Variants in RPS6KC1 observed in about 807,000 individuals in gnomAD.
RPS6KC1 encodes inactive ribosomal protein S6 kinase delta-1.
In RPS6KC1, 54 loss-of-function variants were observed where a neutral mutation model predicts 103.8. The ratio of observed to expected loss-of-function variants is 0.52; its 90% CI spans 0.42 to 0.65. The LOEUF (loss-of-function observed/expected upper bound fraction) is 0.65. Among genes scored for constraint, RPS6KC1 ranks in the 30% least tolerant of loss-of-function variants. The pLI is 0.00. For missense variants in RPS6KC1, 1,151 were observed against 1,253.8 expected, an observed-to-expected ratio of 0.92 and a Z score of 1.24; for synonymous variants, 439 against 438.7, an observed-to-expected ratio of 1.00 and a Z score of -0.01.
chr1:213,500,393 AC>A, the RPS6KC1 span, among the ~76,000 whole-genome samples: 1 of 152,152 alleles, frequency 6.6e-6, no homozygotes, highest in African/African-American at 2.4e-5. Flanking sequence ...CATTTGGAAT[AC>A]CTTCCCAAGG....
At chr1:213,470,622 T>C in the RPS6KC1 span, among the ~76,000 whole-genome samples, 1 of 147,346 alleles carries the variant, frequency 6.8e-6, no homozygotes, top group African/African-American at 2.5e-5. Flanking sequence ...TTTTTTTTTT[T>C]TTTTTTTTTT....
At chr1:213,421,269 G>A in the RPS6KC1 span, among the ~76,000 whole-genome samples, 1 of 151,970 alleles carries the variant, frequency 6.6e-6, no homozygotes, top group East Asian at 1.9e-4. Flanking sequence ...GCGCCACCAT[G>A]CCTGGCTAAT....
chr1:213,398,826 T>C, the RPS6KC1 span, among the ~76,000 whole-genome samples: 3 of 152,172 alleles, frequency 2.0e-5, no homozygotes, highest in South Asian at 2.1e-4. Flanking sequence ...TCCTCAGTTC[T>C]TTGAGACATT....
the RPS6KC1 span, among the ~76,000 whole-genome samples, chr1:213,758,578 C>CA: frequency 0.023 from 2,307 of 101,568 alleles, 14 homozygotes; most frequent in Admixed American, 0.037. Context: ...GACTCTGTCT[C>CA]AAAAAAAAAA....
At chr1:213,289,033 C>G in the RPS6KC1 span, among the ~76,000 whole-genome samples, 2 of 152,048 alleles carry the variant, frequency 1.3e-5, no homozygotes, top group African/African-American at 2.4e-5. Flanking sequence ...CTCTGAACTT[C>G]GGCGATGCTG....
At chr1:213,371,479 TCTGATAA>T in the RPS6KC1 span, among the ~76,000 whole-genome samples, 2 of 152,204 alleles carry the variant, frequency 1.3e-5, no homozygotes, top group Admixed American at 6.5e-5. Flanking sequence ...TGCTGAATCA[TCTGATAA>T]CTGTATGTTG....
chr1:213,554,250 C>T, the RPS6KC1 span, among the ~76,000 whole-genome samples: 3 of 152,130 alleles, frequency 2.0e-5, no homozygotes, highest in Non-Finnish European at 2.9e-5. Context: ...TATGGCTAAC[C>T]AGCTCTCCCA....
At chr1:213,251,280 T>C (rs1022406517) in intron 12 of RPS6KC1, among the ~76,000 whole-genome samples, 16 of 152,082 alleles carry the variant, frequency 1.1e-4, no homozygotes, top group Non-Finnish European at 1.6e-4. Context: ...GCTAATTTTT[T>C]GTGTTTTTAG....
chr1:213,753,941 G>T, the RPS6KC1 span, among the ~76,000 whole-genome samples: 2 of 152,178 alleles, frequency 1.3e-5, no homozygotes. Context: ...GAAGAAGCCT[G>T]TACTAATACC....
chr1:213,171,524 C>T (rs770707114), intron 7 of RPS6KC1, among the ~76,000 whole-genome samples: 6 of 152,012 alleles, frequency 3.9e-5, no homozygotes, highest in Admixed American at 6.6e-5. Flanking sequence ...AAATTTAGCA[C>T]ATAAAATATT....
chr1:213,360,140 C>G, the RPS6KC1 span, among the ~76,000 whole-genome samples: 1 of 152,182 alleles, frequency 6.6e-6, no homozygotes, highest in African/African-American at 2.4e-5. Flanking sequence ...TGTATAATAT[C>G]CCGCAGAGTG....
At chr1:213,271,428 G>C (rs1240854787) in intron 14 of RPS6KC1, among the ~76,000 whole-genome samples, 1 of 152,056 alleles carries the variant, frequency 6.6e-6, no homozygotes, top group Non-Finnish European at 1.5e-5. Flanking sequence ...ATGGGGGTGG[G>C]GATTAACTGT....
chr1:213,330,729 G>C, the RPS6KC1 span, among the ~76,000 whole-genome samples: 1 of 152,196 alleles, frequency 6.6e-6, no homozygotes, highest in Non-Finnish European at 1.5e-5. Flanking sequence ...CCACAAACTC[G>C]TGGGAACAGG....
chr1:213,243,421 C>T (rs1434813168), intron 12 of RPS6KC1, among the ~76,000 whole-genome samples: 1 of 152,032 alleles, frequency 6.6e-6, no homozygotes, highest in Non-Finnish European at 1.5e-5. Flanking sequence ...GTGCCTGGCA[C>T]AATGGAGGTT....
the RPS6KC1 span, among the ~76,000 whole-genome samples, chr1:213,616,963 CCT>C: frequency 6.6e-6 from 1 of 152,170 alleles, no homozygotes; most frequent in Non-Finnish European, 1.5e-5. Context: ...ATGTTGTTAA[CCT>C]CTGTGGACCT....
At chr1:213,083,113 C>T (rs955938635) in intron 3 of RPS6KC1, among the ~76,000 whole-genome samples, 9 of 152,116 alleles carry the variant, frequency 5.9e-5, no homozygotes, top group Non-Finnish European at 1.0e-4. Flanking sequence ...ATTATATATG[C>T]AGAAACATTG....
the RPS6KC1 span, among the ~76,000 whole-genome samples, chr1:213,757,048 C>T: frequency 6.6e-6 from 1 of 152,164 alleles, no homozygotes; most frequent in Non-Finnish European, 1.5e-5. Flanking sequence ...GTTCTGACTT[C>T]TCTGCCAAAT....
At chr1:213,309,165 C>T in the RPS6KC1 span, among the ~76,000 whole-genome samples, 1 of 151,988 alleles carries the variant, frequency 6.6e-6, no homozygotes, top group Admixed American at 6.5e-5. Context: ...CGTGGTGGCA[C>T]ACGCCTGTAG....
intron 6 of RPS6KC1, among the ~76,000 whole-genome samples, chr1:213,130,389 A>AC (rs1441710449): frequency 1.3e-5 from 2 of 152,204 alleles, no homozygotes; most frequent in Admixed American, 6.5e-5. Context: ...GCTGACTGTA[A>AC]CTGAATGTCT....
Sources: gnomAD v4.1 joint callset for allele counts (sites outside exome capture counted in the v4.1 genomes callset) on GRCh38, gnomAD v4.1.1 for gene constraint, MANE v1.5 for transcripts, NCBI Gene and HGNC (gene_info 2026-07-23, HGNC 2026-07-21) for gene names.